Variants in COL28A1 observed in about 807,000 individuals in gnomAD.
The protein encoded by COL28A1 is collagen type XXVIII alpha 1 chain.
COL28A1 carries 161 observed loss-of-function variants against 150.2 expected under a neutral mutation model. The ratio of observed to expected loss-of-function variants is 1.07; its 90% CI spans 0.94 to 1.22. The LOEUF (loss-of-function observed/expected upper bound fraction) is 1.22, where lower values mean the gene tolerates loss of function less well. Ranked by LOEUF, COL28A1 falls within the 50% of genes most tolerant of loss-of-function variation. The probability of loss-of-function intolerance (pLI) is 0.00; values close to 1 mark genes in which losing one functional copy is unlikely to be tolerated. For synonymous variants in COL28A1, 552 were observed against 469.7 expected (o/e 1.18, Z -2.26); for missense variants, 1,617 against 1,388.3 (o/e 1.16, Z -2.62).
Position 7,520,126 on chromosome 7 carries a change from A to C in COL28A1, c.760-11T>G. On this transcript the variant is annotated splice_polypyrimidine_tract_variant and intron_variant, in intron 5 of 34. Transcript: ENST00000399429. The stretch of plus-strand genomic sequence containing the variant: ...ATTTCCATGTGTACCCTGAAGGCAA[A>C]GGGAAAAAATATTATTTTAAGTAGG... 1.7e-6 allele frequency: 2 copies of C among 1,204,040 alleles called. No homozygotes were observed. Among genetic ancestry groups the C allele is most frequent in the Non-Finnish European group, 2.5e-6 (2 of 809,966 alleles). The allele number at this position is 1,204,040 out of a possible 1,614,324, so 74.6% of individuals were successfully genotyped here. A position where few individuals can be genotyped will look rare whatever the true frequency, so the allele number is the denominator to read the frequency against.
At chr7:7,404,623 C>T (rs988681934) in intron 27 of COL28A1, among the ~76,000 whole-genome samples, 1 of 152,114 alleles carries the variant, frequency 6.6e-6, no homozygotes, top group Non-Finnish European at 1.5e-5. Context: ...CCTCCGGTCT[C>T]TGCTCAGATA....
At chr7:7,535,046 C>T (rs550552574) in intron 1 of COL28A1, among the ~76,000 whole-genome samples, 1 of 152,222 alleles carries the variant, frequency 6.6e-6, no homozygotes, top group East Asian at 1.9e-4. Context: ...TATTTTGCCT[C>T]TGTTTTTAAT....
At chr7:7,409,825 C>T (rs1783684578) in intron 27 of COL28A1, among the ~76,000 whole-genome samples, 1 of 152,018 alleles carries the variant, frequency 6.6e-6, no homozygotes, top group African/African-American at 2.4e-5. Flanking sequence ...CTGTGACTGT[C>T]ACTGTCATCA....
chr7:7,492,542 G>A (rs891197399), intron 11 of COL28A1, among the ~76,000 whole-genome samples: 1 of 140,618 alleles, frequency 7.1e-6, no homozygotes, highest in Non-Finnish European at 1.5e-5. Context: ...CCAAGGTCAC[G>A]CCACCACACT....
chr7:7,352,021 C>T (rs1780240868), downstream of COL28A1, among the ~76,000 whole-genome samples: 1 of 152,152 alleles, frequency 6.6e-6, no homozygotes, highest in South Asian at 2.1e-4. Flanking sequence ...CTGAAGCCTG[C>T]TACCTGGAGA....
At chr7:7,400,580 G>GA (rs1399160560) in intron 27 of COL28A1, among the ~76,000 whole-genome samples, 1 of 151,554 alleles carries the variant, frequency 6.6e-6, no homozygotes, top group Non-Finnish European at 1.5e-5. Context: ...TTTCTTATTT[G>GA]AAAAATCAAG....
intron 25 of COL28A1, among the ~76,000 whole-genome samples, chr7:7,420,986 A>G (rs570018986): frequency 6.6e-6 from 1 of 152,350 alleles, no homozygotes; most frequent in Middle Eastern, 3.4e-3. Context: ...TTTCACTCCT[A>G]CATATACACC....
chr7:7,491,321 G>T (rs1360537002), intron 11 of COL28A1, among the ~76,000 whole-genome samples: 1 of 152,198 alleles, frequency 6.6e-6, no homozygotes, highest in East Asian at 1.9e-4. Context: ...CTTACTGGAT[G>T]CAAAGGAGAA....
chr7:7,446,545 TC>T (rs1786272813), intron 18 of COL28A1, among the ~76,000 whole-genome samples: 1 of 152,202 alleles, frequency 6.6e-6, no homozygotes, highest in Admixed American at 6.5e-5. Flanking sequence ...GAACAGTTAT[TC>T]CCTATCTTAT....
intron 27 of COL28A1, among the ~76,000 whole-genome samples, chr7:7,384,949 T>C (rs1397633161): frequency 7.9e-5 from 12 of 152,074 alleles, no homozygotes; most frequent in African/African-American, 2.9e-4. Flanking sequence ...AACAGCCTCA[T>C]GAGGCTCCCT....
intron 7 of COL28A1, 66 bp from the exon 8 acceptor site, chr7:7,515,906 G>T: frequency 1.3e-6 from 1 of 791,364 alleles, no homozygotes; most frequent in South Asian, 1.5e-5. Flanking sequence ...TAAGGATTAG[G>T]TATTTTTCAA....
intron 16 of COL28A1, among the ~76,000 whole-genome samples, chr7:7,454,749 C>T (rs113002065): frequency 7.9e-4 from 121 of 152,232 alleles, no homozygotes; most frequent in African/African-American, 2.7e-3. Flanking sequence ...CAACACTGTC[C>T]GGCCACTTTT....
the COL28A1 span, among the ~76,000 whole-genome samples, chr7:7,349,121 T>G: frequency 6.6e-6 from 1 of 152,178 alleles, no homozygotes; most frequent in African/African-American, 2.4e-5. Context: ...GTTTATTTTT[T>G]GACATATGGA....
intron 16 of COL28A1, 102 bp from the exon 17 acceptor site, chr7:7,453,610 T>A (rs939683606): frequency 3.3e-5 from 23 of 690,524 alleles, no homozygotes; most frequent in Non-Finnish European, 5.2e-5. Context: ...TTACTTACAC[T>A]CAATAAGCAT....
At chr7:7,448,939 A>G (rs1332003468) in intron 18 of COL28A1, among the ~76,000 whole-genome samples, 1 of 152,122 alleles carries the variant, frequency 6.6e-6, no homozygotes, top group African/African-American at 2.4e-5. Flanking sequence ...ATAATTGGAA[A>G]GCAGATCTGT....
At chr7:7,404,367 C>A (rs912371885) in intron 27 of COL28A1, among the ~76,000 whole-genome samples, 4 of 151,788 alleles carry the variant, frequency 2.6e-5, no homozygotes, top group African/African-American at 9.7e-5. Flanking sequence ...TTGGTCGAAT[C>A]CCAGCAAATG....
intron 27 of COL28A1, among the ~76,000 whole-genome samples, chr7:7,400,974 G>GA (rs1177443236): frequency 8.9e-6 from 1 of 112,414 alleles, no homozygotes; most frequent in Non-Finnish European, 1.8e-5. Context: ...GTGGGTATTT[G>GA]GGTGTGTGTG....
intron 27 of COL28A1, among the ~76,000 whole-genome samples, chr7:7,400,993 T>G (rs1048982290): frequency 2.7e-5 from 4 of 147,622 alleles, no homozygotes; most frequent in African/African-American, 7.5e-5. Context: ...TGTGTGTGTG[T>G]GTGTGTGTGT....
Position 7,432,721 on chromosome 7 carries a change from G to A in COL28A1, c.1861-21C>T, listed in dbSNP as rs1443522219. 3.8e-6 allele frequency: 6 copies of A among 1,598,098 alleles called. No homozygotes were observed. In the South Asian group the frequency reaches 6.6e-5, roughly 18 times the overall value. ...ACACCCTGGGTAAATTCCAACATCA[G>A]TGATATCATGAGACTCAACTAGAAA... is the stretch of plus-strand genomic sequence containing the variant. On this transcript the variant is annotated intron_variant, in intron 23 of 34. Coordinates refer to ENST00000399429, the MANE Select transcript of COL28A1 (RefSeq NM_001037763.3).
Sources: gnomAD v4.1 joint callset for allele counts (sites outside exome capture counted in the v4.1 genomes callset) on GRCh38, gnomAD v4.1.1 for gene constraint, MANE v1.5 for transcripts, NCBI Gene and HGNC (gene_info 2026-07-23, HGNC 2026-07-21) for gene names.